MRC1: variants seen among roughly 807,000 people sequenced by gnomAD.
MRC1 encodes macrophage mannose receptor 1.
In MRC1, 62 loss-of-function variants were observed where a neutral mutation model predicts 102.9. That is an observed-to-expected ratio of 0.60 (90% CI 0.49 to 0.74). The LOEUF (loss-of-function observed/expected upper bound fraction) is 0.74, where lower values mean the gene tolerates loss of function less well. Among genes scored for constraint, MRC1 ranks in the 30% least tolerant of loss-of-function variants. The pLI, the probability that MRC1 is intolerant of heterozygous loss-of-function variation, is 0.00. For synonymous variants in MRC1, 457 were observed against 298.4 expected, an observed-to-expected ratio of 1.53 and a Z score of -5.48; for missense variants, 1,237 against 862.8, an observed-to-expected ratio of 1.43 and a Z score of -5.43.
intron 4 of MRC1, among the ~76,000 whole-genome samples, chr10:17,837,911 A>AT (rs1838693884): frequency 6.6e-6 from 1 of 151,958 alleles, no homozygotes; most frequent in Admixed American, 6.6e-5. Flanking sequence ...AGTCAGTATC[A>AT]TTTTTTAAAA....
intron 8 of MRC1, among the ~76,000 whole-genome samples, chr10:17,854,993 G>C (rs1240106906): frequency 6.6e-6 from 1 of 152,000 alleles, no homozygotes; most frequent in Admixed American, 6.6e-5. Context: ...GCTTGGCCCA[G>C]AAAACATTTT....
chr10:17,832,630 C>G (rs1838593159), intron 3 of MRC1, among the ~76,000 whole-genome samples: 1 of 148,192 alleles, frequency 6.7e-6, no homozygotes, highest in Non-Finnish European at 1.5e-5. Context: ...CTCTGTCGCC[C>G]AGGCTGGAGT....
rs782616938 is a variant in MRC1, at chr10:17,827,372, CAAAAAAAAAAAAAAAAAAAAAAAAAA to C, written c.464-157_464-132del. Reference sequence around the variant, plus strand: ...TAGAAGGAGAAGGAAAAAAAATACCCAAAAAAAAAAAAAAAAAAAAAAAAAAAAAAAAAAAAAAGAAATCCCTCTGT... The same window carrying C: ...TAGAAGGAGAAGGAAAAAAAATACCCAAAAAAAAAAAAGAAATCCCTCTGT... On this transcript the variant is annotated intron_variant, in intron 2 of 29. Coordinates refer to ENST00000569591, the MANE Select transcript of MRC1 (RefSeq NM_002438.4). Among the ~76,000 whole-genome samples, 82 of 64,032 alleles carry C rather than the reference CAAAAAAAAAAAAAAAAAAAAAAAAAA, an allele frequency of 1.3e-3. 2 individuals carry two copies. In the East Asian group the frequency reaches 0.05, roughly 39 times the overall value. The allele number at this position is 64,032 out of a possible 152,430, so 42.0% of individuals were successfully genotyped here. A position where few individuals can be genotyped will look rare whatever the true frequency, so the allele number is the denominator to read the frequency against.
At chr10:17,875,422 TA>T (rs1401041778) in intron 17 of MRC1, among the ~76,000 whole-genome samples, 169 bp downstream of exon 17, 17 of 152,308 alleles carry the variant, frequency 1.1e-4, no homozygotes, top group Admixed American at 2.6e-4. Context: ...ACAACCTTCT[TA>T]CCTGTCCCTG....
chr10:17,828,162 CG>C (rs1838511379), intron 3 of MRC1, among the ~76,000 whole-genome samples: 12 of 152,286 alleles, frequency 7.9e-5, no homozygotes, highest in African/African-American at 2.4e-4. Flanking sequence ...CTGCAAGCTC[CG>C]CCTCCCGAGT....
At chr10:17,850,018 G>C (rs1209269953) in intron 7 of MRC1, among the ~76,000 whole-genome samples, 1 of 152,042 alleles carries the variant, frequency 6.6e-6, no homozygotes, top group Non-Finnish European at 1.5e-5. Flanking sequence ...TTTATGGGTA[G>C]TTTTAAAACA....
At chr10:17,883,211 T>G (rs1833542835) in intron 21 of MRC1, among the ~76,000 whole-genome samples, 2 of 152,208 alleles carry the variant, frequency 1.3e-5, no homozygotes, top group Admixed American at 6.5e-5. Context: ...CGCTGCAGCC[T>G]CCAACTCCTG....
chr10:17,887,107 T>C (rs1363550508), intron 22 of MRC1, among the ~76,000 whole-genome samples: 1 of 152,192 alleles, frequency 6.6e-6, no homozygotes, highest in Non-Finnish European at 1.5e-5. Context: ...GTCTGTGAAG[T>C]AGCCATTCTT....
At chr10:17,843,112 A>G (rs1554839971) in intron 5 of MRC1, among the ~76,000 whole-genome samples, 1 of 152,258 alleles carries the variant, frequency 6.6e-6, no homozygotes, top group Non-Finnish European at 1.5e-5. Context: ...TAACTATGGT[A>G]AACATCAAAA....
At chr10:17,843,365 T>C (rs1554839993) in intron 5 of MRC1, among the ~76,000 whole-genome samples, 1 of 152,190 alleles carries the variant, frequency 6.6e-6, no homozygotes, top group African/African-American at 2.4e-5. Context: ...TTATGCTTAT[T>C]ACTAACTTTA....
chr10:17,873,813 GCTC>G lies in MRC1; in HGVS notation c.2378_2380del (p.Pro793del). ...AACACCAAAACCTGAGCCAACACCA[GCTC>G]CTCAAGACAGTAGGTGTTTTCTTAT... is the stretch of plus-strand genomic sequence containing the variant. On this transcript the variant is annotated inframe_deletion, in exon 16 of 30. Transcript: ENST00000569591. 1.1e-6 allele frequency: 1 copy of G among 872,550 alleles called. No individual in the cohort carries two copies. The allele number at this position is 872,550 out of a possible 1,614,324, so 54.1% of individuals were successfully genotyped here.
At chr10:17,849,497 A>G (rs1838879239) in intron 6 of MRC1, 82 bp from the exon 7 acceptor site, 6 of 720,804 alleles carry the variant, frequency 8.3e-6, no homozygotes, top group Non-Finnish European at 1.3e-5. Context: ...TGTTTCATGT[A>G]TTATATAAAA....
At chr10:17,825,858 G>A (rs988425698) in intron 2 of MRC1, among the ~76,000 whole-genome samples, 5 of 152,282 alleles carry the variant, frequency 3.3e-5, no homozygotes, top group East Asian at 3.9e-4. Context: ...TCCTTTGTAC[G>A]AAGAAACAGT....
chr10:17,837,000 G>T (rs998730372), intron 4 of MRC1, among the ~76,000 whole-genome samples: 73 of 152,250 alleles, frequency 4.8e-4, no homozygotes, highest in African/African-American at 1.7e-3. Flanking sequence ...AGGTTACTTT[G>T]TGCGCTCTCC....
At chr10:17,813,218 C>T (rs937282422) in intron 1 of MRC1, among the ~76,000 whole-genome samples, 162 of 152,264 alleles carry the variant, frequency 1.1e-3, no homozygotes, top group Middle Eastern at 3.4e-3. Flanking sequence ...AGATTTCTTG[C>T]TGCGCTGTTA....
intron 9 of MRC1, among the ~76,000 whole-genome samples, chr10:17,859,310 T>A (rs1234778689): frequency 6.6e-6 from 1 of 152,148 alleles, no homozygotes; most frequent in Non-Finnish European, 1.5e-5. Context: ...CATTTTCTCA[T>A]ATGGCTTGTT....
intron 1 of MRC1, among the ~76,000 whole-genome samples, chr10:17,811,694 C>G (rs1383236179): frequency 2.0e-5 from 3 of 152,112 alleles, no homozygotes; most frequent in Non-Finnish European, 4.4e-5. Context: ...TCCCAACTCC[C>G]CAGTAGCTGG....
rs942756262 is a variant in MRC1, at chr10:17,873,831, T to C, written c.2386+6T>C. 31 of 872,362 alleles carry C rather than the reference T, an allele frequency of 3.6e-5. No individual in the cohort carries two copies. Among genetic ancestry groups the C allele is most frequent in the Admixed American group, 2.5e-4 (15 of 59,130 alleles). The allele number at this position is 872,362 out of a possible 1,614,324, so 54.0% of individuals were successfully genotyped here. A position where few individuals can be genotyped will look rare whatever the true frequency, so the allele number is the denominator to read the frequency against. ...AACACCAGCTCCTCAAGACAGTAGGTGTTTTCTTATTTTCTGATCTCTGTA... is the reference window on the plus strand; with the variant it reads ...AACACCAGCTCCTCAAGACAGTAGGCGTTTTCTTATTTTCTGATCTCTGTA... On this transcript the variant is annotated splice_donor_region_variant and intron_variant, in intron 16 of 29. Coordinates refer to ENST00000569591, the MANE Select transcript of MRC1 (RefSeq NM_002438.4).
At chr10:17,861,984 G>T (rs1833191230) in intron 10 of MRC1, among the ~76,000 whole-genome samples, 1 of 152,146 alleles carries the variant, frequency 6.6e-6, no homozygotes, top group African/African-American at 2.4e-5. Context: ...GGACATAGAG[G>T]AGCTTATGTA....
Sources: allele counts gnomAD v4.1 joint callset (sites outside exome capture counted in the v4.1 genomes callset), GRCh38; gene constraint gnomAD v4.1.1; transcripts MANE v1.5; gene names NCBI Gene and HGNC (gene_info 2026-07-23, HGNC 2026-07-21).